The following RAD51B variants were observed in gnomAD, a reference collection of about 807,000 sequenced individuals.
RAD51B encodes the protein RAD51 paralog B, also known as DNA repair protein RAD51 homolog 2.
RAD51B carries 38 observed loss-of-function variants against 42.2 expected under a neutral mutation model. That is an observed-to-expected ratio of 0.90 (90% confidence interval 0.70 to 1.18). RAD51B has a LOEUF of 1.18. Among genes scored for constraint, RAD51B ranks in the 50% most tolerant of loss-of-function variants. The probability of loss-of-function intolerance (pLI) is 0.00; values close to 1 mark genes in which losing one functional copy is unlikely to be tolerated. For missense variants in RAD51B, 373 were observed against 400.7 expected (o/e 0.93, Z 0.59); for synonymous variants, 154 against 145.2 (o/e 1.06, Z -0.43).
chr14:68,017,970 G>A (rs530241943), intron 7 of RAD51B, among the ~76,000 whole-genome samples: 116 of 149,444 alleles, frequency 7.8e-4, no homozygotes, highest in African/African-American at 2.6e-3. Flanking sequence ...ACTCCGTCTC[G>A]AATAAATAAA....
intron 8 of RAD51B, among the ~76,000 whole-genome samples, chr14:68,319,465 G>C (rs940182643): frequency 3.3e-5 from 5 of 152,194 alleles, no homozygotes; most frequent in African/African-American, 1.2e-4. Flanking sequence ...GAAAATCACT[G>C]TCAATTTTAA....
chr14:68,638,380 A>G (rs998885464), intron 10 of RAD51B, among the ~76,000 whole-genome samples: 4 of 152,190 alleles, frequency 2.6e-5, no homozygotes, highest in Non-Finnish European at 5.9e-5. Flanking sequence ...GCTTCTTGCG[A>G]GCCAGGCCAG....
intron 7 of RAD51B, among the ~76,000 whole-genome samples, chr14:67,963,383 T>G (rs1347833200): frequency 1.3e-5 from 2 of 152,178 alleles, no homozygotes; most frequent in Non-Finnish European, 2.9e-5. Flanking sequence ...TGGTGAGATT[T>G]TGGATGATTT....
chr14:68,613,402 T>G (rs751121648), downstream of RAD51B, among the ~76,000 whole-genome samples: 9 of 147,466 alleles, frequency 6.1e-5, no homozygotes, highest in Admixed American at 1.4e-4. Context: ...TGGGCAACAA[T>G]AGCAAAACTC....
At chr14:68,357,238 C>T (rs550308355) in intron 8 of RAD51B, among the ~76,000 whole-genome samples, 14 of 152,330 alleles carry the variant, frequency 9.2e-5, no homozygotes, top group African/African-American at 3.4e-4. Context: ...CAAGAGACCA[C>T]TTTCTTTGCT....
chr14:68,490,594 T>A (rs1267790505), intron 10 of RAD51B, among the ~76,000 whole-genome samples: 1 of 152,238 alleles, frequency 6.6e-6, no homozygotes, highest in Non-Finnish European at 1.5e-5. Context: ...AAAGGATGTC[T>A]TAACAACATG....
intron 7 of RAD51B, among the ~76,000 whole-genome samples, chr14:68,018,713 TA>T (rs2075817146): frequency 6.6e-6 from 1 of 152,210 alleles, no homozygotes; most frequent in African/African-American, 2.4e-5. Context: ...ACAGTACTCA[TA>T]AAAAATGTGT....
At chr14:68,643,281 T>A (rs1315433215) in intron 10 of RAD51B, among the ~76,000 whole-genome samples, 1 of 152,360 alleles carries the variant, frequency 6.6e-6, no homozygotes, top group East Asian at 1.9e-4. Context: ...CCTGATAACT[T>A]TCCTTGGTCT....
At chr14:67,836,874 A>C (rs2041261761) in intron 4 of RAD51B, among the ~76,000 whole-genome samples, 1 of 152,188 alleles carries the variant, frequency 6.6e-6, no homozygotes, top group African/African-American at 2.4e-5. Flanking sequence ...AATGTTTATC[A>C]ATACACTCCT....
intron 7 of RAD51B, among the ~76,000 whole-genome samples, chr14:68,148,677 A>G (rs532020560): frequency 4.6e-5 from 7 of 152,230 alleles, no homozygotes; most frequent in Non-Finnish European, 8.8e-5. Flanking sequence ...GATACTGTGC[A>G]GTAACAGTAA....
chr14:67,948,425 G>A (rs2074375107), intron 7 of RAD51B, among the ~76,000 whole-genome samples: 1 of 152,134 alleles, frequency 6.6e-6, no homozygotes, highest in African/African-American at 2.4e-5. Flanking sequence ...CAACCCAGCA[G>A]CACTGTTATA....
intron 10 of RAD51B, among the ~76,000 whole-genome samples, chr14:68,644,371 C>T (rs1222652491): frequency 6.6e-6 from 1 of 152,198 alleles, no homozygotes; most frequent in African/African-American, 2.4e-5. Flanking sequence ...TGGCCACAGG[C>T]TCTACCTCTT....
intron 10 of RAD51B, among the ~76,000 whole-genome samples, chr14:68,616,708 C>T (rs377408217): frequency 4.6e-5 from 7 of 152,058 alleles, no homozygotes; most frequent in South Asian, 2.1e-4. Flanking sequence ...TTCAATTATA[C>T]ATATGTTAGA....
In RAD51B at chr14:68,022,976, A is replaced by G. The variant is rs141778188; in HGVS notation, c.756+135772A>G. Among the ~76,000 whole-genome samples the G allele has an allele frequency of 9.2e-5, 14 of 152,336 alleles. No individual in the cohort carries two copies. The East Asian group carries it at 2.7e-3, about 29-fold the overall frequency. On this transcript the variant is annotated intron_variant, in intron 7 of 10. Transcript: ENST00000471583. ...CTCCATCCATGTTGCTACAAAGGAC[A>G]TGATCTCATTCTTTTTTATGGCTGT...
chr14:68,407,829 G>C (rs1184464269), intron 8 of RAD51B, among the ~76,000 whole-genome samples: 1 of 152,174 alleles, frequency 6.6e-6, no homozygotes, highest in East Asian at 1.9e-4. Flanking sequence ...GATTAAGTAG[G>C]AACACAGTTG....
chr14:68,502,752 C>A (rs546165469), intron 10 of RAD51B, among the ~76,000 whole-genome samples: 116 of 152,314 alleles, frequency 7.6e-4, no homozygotes, highest in Non-Finnish European at 1.3e-3. Flanking sequence ...GTGTGTTGGC[C>A]TCTGCGGTGC....
rs529358963 is a variant in RAD51B at position 68,568,370 on chromosome 14, A to G, written c.1037-26115A>G. Among the ~76,000 whole-genome samples the G allele has an allele frequency of 9.8e-5, 15 of 152,358 alleles. No individual in the cohort carries two copies. In the East Asian group the frequency reaches 2.9e-3, roughly 29 times the overall value. On this transcript the variant is annotated intron_variant, in intron 10 of 10. Transcript: ENST00000487270. ...AGTGAAAATACATGGTACATTTCAG[A>G]GAGCTGCAAGTGGTACAGCTTATTT...
chr14:68,637,807 T>TACAC (rs898501054), intron 10 of RAD51B, among the ~76,000 whole-genome samples: 1 of 151,886 alleles, frequency 6.6e-6, no homozygotes, highest in Admixed American at 6.6e-5. Context: ...CCTCTTCACA[T>TACAC]ACACACACAC....
chr14:67,878,453 A>G (rs2042799130), intron 5 of RAD51B, among the ~76,000 whole-genome samples: 1 of 152,174 alleles, frequency 6.6e-6, no homozygotes, highest in African/African-American at 2.4e-5. Context: ...CCTGGGCTAT[A>G]ATTCTATAAT....
Sources: gnomAD v4.1 joint callset for allele counts (sites outside exome capture counted in the v4.1 genomes callset) on GRCh38, gnomAD v4.1.1 for gene constraint, MANE v1.5 for transcripts, NCBI Gene and HGNC (gene_info 2026-07-23, HGNC 2026-07-21) for gene names.